The following PGR variants were observed in gnomAD, a reference collection of about 807,000 sequenced individuals.
PGR encodes the protein progesterone receptor, also known as nuclear receptor subfamily 3 group C member 3.
In PGR, 25 loss-of-function variants were observed where a neutral mutation model predicts 76.1. The observed-to-expected ratio is 0.33, with a 90% CI of 0.24 to 0.46. The LOEUF (loss-of-function observed/expected upper bound fraction) is 0.46, where lower values mean the gene tolerates loss of function less well. Among genes scored for constraint, PGR ranks in the 20% least tolerant of loss-of-function variants. The pLI, the probability that PGR is intolerant of heterozygous loss-of-function variation, is 1.00. For synonymous variants in PGR, 579 were observed against 535.0 expected (o/e 1.08, Z -1.14); for missense variants, 1,172 against 1,225.3 (o/e 0.96, Z 0.65).
Position 101,128,627 on chromosome 11 carries a change from G to C in PGR, c.444C>G (p.Pro148=), listed in dbSNP as rs1461440081. ...TGGCGGGGGCAGCCGGTGGATCTTC[G>C]GGAAGTTCGGGGCCAAACAGGCACC... is the stretch of plus-strand genomic sequence containing the variant. ...SSWCLFGPEL[P]EDPPAAPATQ... Residue 148 remains proline (P), a synonymous_variant, in exon 1 of 8, where the codon CCC becomes CCG. Coordinates refer to ENST00000325455, the MANE Select transcript of PGR (RefSeq NM_000926.4). 1.3e-6 allele frequency: 2 copies of C among 1,587,636 alleles called. No individual in the cohort carries two copies. The highest frequency in any genetic ancestry group is 1.8e-5 in the Admixed American group (1 of 56,284).
intron 3 of PGR, among the ~76,000 whole-genome samples, chr11:101,089,865 C>G (rs575190687): frequency 6.6e-6 from 1 of 152,202 alleles, no homozygotes; most frequent in East Asian, 1.9e-4. Flanking sequence ...AAGTAACAAG[C>G]AGTTTGGTTA....
chr11:101,067,768 AG>A (rs1253122569), intron 3 of PGR, among the ~76,000 whole-genome samples: 1 of 152,230 alleles, frequency 6.6e-6, no homozygotes, highest in East Asian at 1.9e-4. Context: ...CATACAGTGT[AG>A]GAAAAAACAA....
rs1862993021 is a variant in PGR, at chr11:101,128,824, C to T, written c.247G>A (p.Val83Met). 2 of 1,614,170 alleles carry T rather than the reference C, an allele frequency of 1.2e-6. No individual in the cohort carries two copies. The highest frequency in any genetic ancestry group is 1.1e-5 in the South Asian group (1 of 91,086). Residue 83 changes from valine (V) to methionine (M), a missense_variant, in exon 1 of 8, where the codon GTG becomes ATG. This residue lies in a region of PGR where 893 missense variants were observed against 785.9 expected (regional missense o/e 1.14). Transcript: ENST00000325455. Reference protein sequence around the residue: ...KTQDQQSLSDVEGAYSRAEAT... With the variant: ...KTQDQQSLSDMEGAYSRAEAT... Reference sequence around the variant, plus strand: ...TCAGCTCTGGAATATGCGCCCTCCACGTCCGACAGCGACTGCTGGTCCTGC... The same window carrying T: ...TCAGCTCTGGAATATGCGCCCTCCATGTCCGACAGCGACTGCTGGTCCTGC...
At position 101,039,085 on chromosome 11, in the gene PGR, A is replaced by C. The variant is rs1403821463; in HGVS notation, c.*31T>G. On this transcript the variant is annotated 3_prime_UTR_variant, in exon 8 of 8. Transcript: ENST00000325455. ...ACCAAAACAAAAAGACATACCACAA[A>C]ATTTAATTCTTTAAAAGAAAAAGAT... 6 of 1,587,198 alleles carry C rather than the reference A, an allele frequency of 3.8e-6. No homozygotes were observed. The East Asian group carries it at 1.3e-4, about 36-fold the overall frequency.
chr11:101,108,826 G>T (rs975887359), intron 2 of PGR, among the ~76,000 whole-genome samples: 3 of 152,178 alleles, frequency 2.0e-5, no homozygotes, highest in Admixed American at 6.5e-5. Flanking sequence ...TTGCTTAATT[G>T]TACTTCACAA....
intron 3 of PGR, among the ~76,000 whole-genome samples, chr11:101,068,303 A>T (rs1296125400): frequency 6.6e-6 from 1 of 152,162 alleles, no homozygotes; most frequent in East Asian, 1.9e-4. Flanking sequence ...GCCCAGGAAT[A>T]CAACTTACAA....
chr11:101,124,844 CT>C (rs1262023206), intron 2 of PGR, among the ~76,000 whole-genome samples: 1 of 152,116 alleles, frequency 6.6e-6, no homozygotes. Flanking sequence ...ATCAAACCCC[CT>C]AAAGCTGAAT....
chr11:101,093,151 CACATAG>C (rs1275969517), intron 2 of PGR, among the ~76,000 whole-genome samples: 1 of 152,186 alleles, frequency 6.6e-6, no homozygotes, highest in East Asian at 1.9e-4. Context: ...CATGTACACT[CACATAG>C]TGTTCATCTC....
chr11:101,062,827 A>G, intron 3 of PGR, 75 bp from the exon 4 acceptor site: 1 of 1,003,010 alleles, frequency 1.0e-6, no homozygotes, highest in Non-Finnish European at 1.5e-6. Flanking sequence ...TATTTTTCCT[A>G]AGTCTTAGAA....
chr11:101,121,078 T>C (rs888242694), intron 2 of PGR, among the ~76,000 whole-genome samples: 10 of 152,236 alleles, frequency 6.6e-5, no homozygotes, highest in Non-Finnish European at 1.5e-4. Flanking sequence ...AACCAGTCTA[T>C]CATTATCCAT....
intron 4 of PGR, among the ~76,000 whole-genome samples, chr11:101,058,145 T>C (rs1860358561): frequency 6.6e-6 from 1 of 152,204 alleles, no homozygotes; most frequent in Non-Finnish European, 1.5e-5. Context: ...AAGAAATAGT[T>C]ACTTTGCCAA....
intron 2 of PGR, among the ~76,000 whole-genome samples, chr11:101,097,903 A>AT (rs1591411822): frequency 6.6e-6 from 1 of 151,536 alleles, no homozygotes; most frequent in East Asian, 1.9e-4. Context: ...CAGCCTCCCG[A>AT]GTAGCTGGAA....
intron 3 of PGR, among the ~76,000 whole-genome samples, chr11:101,091,385 A>AAT (rs1161377060): frequency 6.6e-6 from 1 of 152,190 alleles, no homozygotes; most frequent in Non-Finnish European, 1.5e-5. Context: ...AAGGAATGTT[A>AAT]ATGCTCTCGT....
chr11:101,073,507 G>T lies in PGR; in HGVS notation c.1907-10755C>A, dbSNP rs12283202. Among the ~76,000 whole-genome samples the T allele has an allele frequency of 3.6e-3, 548 of 150,290 alleles. 4 individuals are homozygous for T. Among genetic ancestry groups the T allele is most frequent in the African/African-American group, 0.013 (519 of 40,710 alleles). ...GCAGAACCGAAGGAGATAGAGACAT[G>T]AAAAACCCTTAAAAAAAAAAAATCA... On this transcript the variant is annotated intron_variant, in intron 3 of 7. Transcript: ENST00000325455.
At chr11:101,073,677 C>A (rs543955) in intron 3 of PGR, among the ~76,000 whole-genome samples, 17,826 of 152,122 alleles carry the variant, frequency 0.12, 1,359 homozygotes, top group Non-Finnish European at 0.16. Flanking sequence ...GAAATACAAA[C>A]TACCATCAGA....
At chr11:101,059,351 TAATAGAGGG>T (rs1860400943) in intron 4 of PGR, among the ~76,000 whole-genome samples, 1 of 152,072 alleles carries the variant, frequency 6.6e-6, no homozygotes, top group South Asian at 2.1e-4. Flanking sequence ...GAGAGTTCCT[TAATAGAGGG>T]AATATGTCTT....
chr11:101,035,408 C>T lies in PGR; in HGVS notation c.*3708G>A, dbSNP rs746758552. On this transcript the variant is annotated 3_prime_UTR_variant, in exon 8 of 8. Transcript: ENST00000325455. The stretch of plus-strand genomic sequence containing the variant: ...CAGCAAAAACTAAAAATGTAATAGC[C>T]ATCCTTCCAAAGCAATAAAAGACAG... 17 of 231,114 alleles carry T rather than the reference C, an allele frequency of 7.4e-5. No individual in the cohort carries two copies. The highest frequency in any genetic ancestry group is 1.3e-4 in the Non-Finnish European group (15 of 116,808). 14.3% of individuals were successfully genotyped at this position (231,114 alleles called of 1,614,324 possible).
chr11:101,124,326 T>C (rs1385880598), intron 2 of PGR, among the ~76,000 whole-genome samples: 2 of 152,172 alleles, frequency 1.3e-5, no homozygotes, highest in African/African-American at 4.8e-5. Context: ...TGCTCTTTGT[T>C]CTATATATGC....
chr11:101,118,270 T>G (rs1302258290), intron 2 of PGR, among the ~76,000 whole-genome samples: 1 of 152,152 alleles, frequency 6.6e-6, no homozygotes, highest in Non-Finnish European at 1.5e-5. Context: ...GTTAAATGAG[T>G]TAGTAAACAA....
Sources: allele counts gnomAD v4.1 joint callset (sites outside exome capture counted in the v4.1 genomes callset), GRCh38; gene constraint gnomAD v4.1.1; regional missense constraint gnomAD v4.1.1; transcripts MANE v1.5; gene names NCBI Gene and HGNC (gene_info 2026-07-23, HGNC 2026-07-21).